GBP5: variants seen among roughly 807,000 people sequenced by gnomAD.
GBP5 encodes guanylate binding protein 5.
Under a neutral mutation model 58.2 loss-of-function variants are expected in GBP5, and 48 were observed. The observed-to-expected ratio is 0.83, with a 90% CI of 0.65 to 1.05. GBP5 has a LOEUF of 1.05. Ranked by LOEUF, GBP5 falls within the 50% of genes least tolerant of loss-of-function variation. The pLI is 0.00. For synonymous variants in GBP5, 248 were observed against 251.8 expected (o/e 0.98, Z 0.14); for missense variants, 714 against 686.8 (o/e 1.04, Z -0.44).
intron 7 of GBP5, among the ~76,000 whole-genome samples, 198 bp from the exon 8 acceptor site, chr1:89,265,164 G>C (rs1292795267): frequency 6.6e-6 from 1 of 152,174 alleles, no homozygotes; most frequent in Non-Finnish European, 1.5e-5. Context: ...TTTGGGAAAG[G>C]AAACTGTGTT....
chr1:89,267,599 GTCA>G (rs1239654791), intron 4 of GBP5, 73 bp from the exon 5 acceptor site: 1 of 843,734 alleles, frequency 1.2e-6, no homozygotes, highest in East Asian at 2.5e-5. Flanking sequence ...ATAGGCTCTT[GTCA>G]TAAATGTTTA....
chr1:89,267,632 T>C lies in GBP5; in HGVS notation c.319-106A>G, dbSNP rs1358888171. On this transcript the variant is annotated intron_variant, in intron 4 of 11. Coordinates refer to ENST00000370459, the MANE Select transcript of GBP5 (RefSeq NM_052942.5). ...TGTTTAACAAGACAAAAGAAAAAGA[T>C]TGTTAGAAATATTAACTTTGAATAG... is the stretch of plus-strand genomic sequence containing the variant. The C allele has an allele frequency of 2.5e-5, 17 of 691,792 alleles. No individual in the cohort carries two copies. The Admixed American group carries it at 3.6e-4, about 15-fold the overall frequency. 42.9% of individuals were successfully genotyped at this position (691,792 alleles called of 1,614,324 possible). A position where few individuals can be genotyped will look rare whatever the true frequency, so the allele number is the denominator to read the frequency against.
At position 89,268,698 on chromosome 1, in the gene GBP5, T is replaced by C. The variant is rs759525596; in HGVS notation, c.318+31A>G. On this transcript the variant is annotated intron_variant, in intron 4 of 11. Coordinates refer to ENST00000370459, the MANE Select transcript of GBP5 (RefSeq NM_052942.5). ...CCCTGTGAAAAGACAGTTCAGAGAT[T>C]AGGAGGTTAAAAAAAGGAATCCTTC... 1.2e-5 allele frequency: 20 copies of C among 1,610,954 alleles called. No homozygotes were observed. The East Asian group carries it at 4.5e-4, about 36-fold the overall frequency.
chr1:89,262,746 A>C lies in GBP5; in HGVS notation c.1402T>G (p.Ser468Ala). The change falls in exon 10 of 12, where the codon TCT becomes GCT. Residue 468 changes from serine to alanine, a missense_variant. Coordinates refer to ENST00000370459, the MANE Select transcript of GBP5 (RefSeq NM_052942.5). Reference sequence around the variant, plus strand: ...GTCTGTAATATTGCATGACTCACAGACTCCTTGGACTTTAAATATTTCTGC... The same window carrying C: ...GTCTGTAATATTGCATGACTCACAGCCTCCTTGGACTTTAAATATTTCTGC... ...VLQKYLKSKE[S>A]VSHAILQTDQ... is the part of the protein sequence containing the mutation. 1 of 1,577,510 alleles carries C rather than the reference A, an allele frequency of 6.3e-7. No homozygotes were observed. Among genetic ancestry groups the C allele is most frequent in the South Asian group, 1.2e-5 (1 of 85,488 alleles).
intron 4 of GBP5, 125 bp from the exon 5 acceptor site, chr1:89,267,651 T>C (rs1208371876): frequency 3.1e-6 from 2 of 643,582 alleles, no homozygotes; most frequent in South Asian, 1.8e-5. Flanking sequence ...ATATTAACTT[T>C]GAATAGTTCT....
intron 6 of GBP5, 38 bp downstream of exon 6, chr1:89,266,919 T>G (rs1352409284): frequency 2.0e-6 from 3 of 1,466,764 alleles, no homozygotes; most frequent in Non-Finnish European, 2.8e-6. Context: ...CTTAGATTAC[T>G]TTTTTAAAAA....
intron 7 of GBP5, 60 bp downstream of exon 7, chr1:89,266,285 AT>A: frequency 7.1e-7 from 1 of 1,401,872 alleles, no homozygotes; most frequent in Non-Finnish European, 9.9e-7. Flanking sequence ...GGATAATCTT[AT>A]AAAAAGTGTC....
Position 89,269,337 on chromosome 1 carries a change from T to G in GBP5, c.190+29A>C, listed in dbSNP as rs368012208. On this transcript the variant is annotated intron_variant, in intron 3 of 11. Transcript: ENST00000370459. Reference sequence around the variant, plus strand: ...GTGACTGTGTGAATGGACAGAAGGGTTTGGCAGAGCTTTGCTGGTACCACT... The same window carrying G: ...GTGACTGTGTGAATGGACAGAAGGGGTTGGCAGAGCTTTGCTGGTACCACT... 3,158 of 1,609,158 alleles carry G rather than the reference T, an allele frequency of 2.0e-3. 76 individuals carry two copies. The Admixed American group carries it at 0.042, about 22-fold the overall frequency.
chr1:89,270,088 T>C (rs1245639579), intron 2 of GBP5: 1 of 152,228 alleles, frequency 6.6e-6, no homozygotes, highest in Non-Finnish European at 1.5e-5. Flanking sequence ...TCATAGCTGT[T>C]TGCTTCTTAG....
rs1343934145 is a variant in GBP5, at chr1:89,264,796, T to C, written c.1039A>G (p.Thr347Ala). 6.2e-7 allele frequency: 1 copy of C among 1,613,990 alleles called. No homozygotes were observed. Among genetic ancestry groups the C allele is most frequent in the Non-Finnish European group, 8.5e-7 (1 of 1,180,018 alleles). Residue 347 changes from threonine to alanine, a missense_variant, in exon 8 of 12, where the codon ACC (threonine) becomes GCC (alanine). Transcript: ENST00000370459. ...TGCAGGTCCAGCAGCTCCTGGAGGG[T>C]TTCCATGGGCAGCTGCACTTTCTGG... is the stretch of plus-strand genomic sequence containing the variant. ...MGQKVQLPME[T>A]LQELLDLHRT...
At chr1:89,262,914 T>C (rs976762193) in intron 9 of GBP5, 129 bp from the exon 10 acceptor site, 18 of 586,674 alleles carry the variant, frequency 3.1e-5, no homozygotes, top group Non-Finnish European at 4.7e-5. Context: ...AGAGGCTCCA[T>C]AGGAGAGGTG....
Position 89,268,579 on chromosome 1 carries a change from T to C in GBP5, c.318+150A>G. ...TAAATGTATTTTCTCATGTCAGGCT[T>C]CCAAACTCTGAATATTAAAAATACA... On this transcript the variant is annotated intron_variant, in intron 4 of 11. Coordinates refer to ENST00000370459, the MANE Select transcript of GBP5 (RefSeq NM_052942.5). The C allele has an allele frequency of 7.7e-6, 6 of 775,506 alleles. No homozygotes were observed. In the South Asian group the frequency reaches 9.6e-5, roughly 12 times the overall value. 48.0% of individuals were successfully genotyped at this position (775,506 alleles called of 1,614,324 possible). A position where few individuals can be genotyped will look rare whatever the true frequency, so the allele number is the denominator to read the frequency against.
intron 4 of GBP5, 89 bp from the exon 5 acceptor site, chr1:89,267,615 A>G (rs2100596161): frequency 1.3e-6 from 1 of 752,408 alleles, no homozygotes; most frequent in Admixed American, 2.2e-5. Flanking sequence ...AATGTTTAAC[A>G]AGACAAAAGA....
rs1252113946 is a variant in GBP5 at position 89,268,738 on chromosome 1, A to G, written c.309T>C (p.Asp103=). 4.3e-6 allele frequency: 7 copies of G among 1,613,994 alleles called. No individual in the cohort carries two copies. The highest frequency in any genetic ancestry group is 5.1e-6 in the Non-Finnish European group (6 of 1,179,948). ...LVLLDTEGLG[D]VEKADNKNDI... ...AGGAATCCTTCCTTACCTTCTCTAC[A>G]TCTCCCAGGCCCTCGGTGTCAAGCA... is the stretch of plus-strand genomic sequence containing the variant. Residue 103 remains aspartate (D), a synonymous_variant, in exon 4 of 12, where the codon GAT becomes GAC. Coordinates refer to ENST00000370459, the MANE Select transcript of GBP5 (RefSeq NM_052942.5).
Sources: allele counts gnomAD v4.1 joint callset (sites outside exome capture counted in the v4.1 genomes callset), GRCh38; gene constraint gnomAD v4.1.1; transcripts MANE v1.5; gene names NCBI Gene and HGNC (gene_info 2026-07-23, HGNC 2026-07-21).